The following CIT variants were observed in gnomAD, a reference collection of about 807,000 sequenced individuals.
CIT encodes the protein citron Rho-interacting kinase.
In CIT, 79 loss-of-function variants were observed where a neutral mutation model predicts 272.7. The ratio of observed to expected loss-of-function variants is 0.29; its 90% confidence interval spans 0.24 to 0.35. The LOEUF is 0.35. Among genes scored for constraint, CIT ranks in the 10% least tolerant of loss-of-function variants. The pLI, the probability that CIT is intolerant of heterozygous loss-of-function variation, is 1.00. For missense variants in CIT, 1,909 were observed against 2,618.3 expected (o/e 0.73, Z 5.91); for synonymous variants, 948 against 995.6 (o/e 0.95, Z 0.90).
chr12:119,712,855 G>A lies in CIT; in HGVS notation c.4580-160C>T, dbSNP rs1054042915. ...GAAGGGACAGAGGTGTGCAGAGAAG[G>A]CAGAGAGGGAAGATAAAAAAAAATA... On this transcript the variant is annotated intron_variant, in intron 35 of 47. Coordinates refer to ENST00000392521, the MANE Select transcript of CIT (RefSeq NM_001206999.2). The surrounding 1 kb of genome is among the most constrained non-coding windows in gnomAD (Gnocchi z 5.2). Among the ~76,000 whole-genome samples, 1 of 152,134 alleles carries A rather than the reference G, an allele frequency of 6.6e-6. No homozygotes were observed. The highest frequency in any genetic ancestry group is 2.4e-5 in the African/African-American group (1 of 41,422).
At chr12:119,789,050 C>G (rs1965067367) in intron 10 of CIT, among the ~76,000 whole-genome samples, 2 of 152,102 alleles carry the variant, frequency 1.3e-5, no homozygotes, top group South Asian at 4.1e-4. Flanking sequence ...TTCCCTGGTC[C>G]TCAATGCAAG....
intron 10 of CIT, among the ~76,000 whole-genome samples, chr12:119,795,879 A>T (rs1166137543): frequency 6.6e-6 from 1 of 152,276 alleles, no homozygotes; most frequent in African/African-American, 2.4e-5. Flanking sequence ...TTCTGGGAAC[A>T]CAAGAAGTGC....
chr12:119,849,524 T>C (rs1279168434), intron 5 of CIT, among the ~76,000 whole-genome samples: 1 of 152,222 alleles, frequency 6.6e-6, no homozygotes, highest in Admixed American at 6.5e-5. Flanking sequence ...TGCACTATTA[T>C]CATTTTTTTA....
chr12:119,704,611 G>C (rs1593405704), intron 40 of CIT, among the ~76,000 whole-genome samples, 156 bp from the exon 41 acceptor site: 1 of 152,180 alleles, frequency 6.6e-6, no homozygotes, highest in Non-Finnish European at 1.5e-5. Context: ...CGCAGGATAT[G>C]AGCAGTATCC....
Position 119,710,341 on chromosome 12 carries a change from A to G in CIT, c.4981T>C (p.Leu1661=). ...GGGACATGGGTTAGGGAGTTTTTCA[A>G]GACATTCAGGGCGTAGAGCCCTTCC... is the stretch of plus-strand genomic sequence containing the variant. The part of the protein sequence containing the change: ...TEEGLYALNV[L]KNSLTHVPGI... The change falls in exon 39 of 48, where the codon TTG becomes CTG. Residue 1661 remains leucine, a synonymous_variant. Coordinates refer to ENST00000392521, the MANE Select transcript of CIT (RefSeq NM_001206999.2). The surrounding 1 kb of genome is among the most constrained non-coding windows in gnomAD (Gnocchi z 5.6). 6.2e-7 allele frequency: 1 copy of G among 1,614,246 alleles called. No homozygotes were observed.
chr12:119,689,883 A>G (rs1250996198), intron 47 of CIT, among the ~76,000 whole-genome samples: 1 of 151,658 alleles, frequency 6.6e-6, no homozygotes, highest in Non-Finnish European at 1.5e-5. Context: ...GTTTCACCAC[A>G]TTAGCCAGGA....
At chr12:119,781,604 T>G (rs1049620089) in intron 13 of CIT, among the ~76,000 whole-genome samples, 5 of 151,806 alleles carry the variant, frequency 3.3e-5, no homozygotes, top group African/African-American at 1.2e-4. Context: ...CAAAAATCCA[T>G]GCTAAAAAGG....
At chr12:119,844,144 A>C (rs569405444) in intron 5 of CIT, among the ~76,000 whole-genome samples, 240 of 150,916 alleles carry the variant, frequency 1.6e-3, no homozygotes, top group African/African-American at 5.5e-3. Flanking sequence ...GCCTCAGCCT[A>C]AGGAGTAGCT....
intron 13 of CIT, among the ~76,000 whole-genome samples, chr12:119,780,805 T>C (rs1304486716): frequency 6.6e-6 from 1 of 152,208 alleles, no homozygotes; most frequent in Non-Finnish European, 1.5e-5. Context: ...AAATAAATCC[T>C]TGTTCCGATG....
intron 10 of CIT, among the ~76,000 whole-genome samples, chr12:119,800,175 A>C (rs1434848288): frequency 6.6e-6 from 1 of 152,184 alleles, no homozygotes; most frequent in Non-Finnish European, 1.5e-5. Context: ...AGGAACAGCC[A>C]GGCATTCAGA....
chr12:119,773,070 C>G lies in CIT; in HGVS notation c.1942-160G>C, dbSNP rs771626823. On this transcript the variant is annotated intron_variant, in intron 16 of 47. Coordinates refer to ENST00000392521, the MANE Select transcript of CIT (RefSeq NM_001206999.2). ...TCCTAAATTTAAAAAGCAGGTAATA[C>G]TGAATTTACCATTTGTCAAAACAAA... Among the ~76,000 whole-genome samples the G allele has an allele frequency of 1.8e-4, 27 of 149,392 alleles. 1 individual carries two copies. The highest frequency in any genetic ancestry group is 3.5e-3 in the Middle Eastern group (1 of 288).
intron 46 of CIT, among the ~76,000 whole-genome samples, chr12:119,692,487 T>C (rs1317519099): frequency 6.6e-6 from 1 of 152,232 alleles, no homozygotes; most frequent in Non-Finnish European, 1.5e-5. Context: ...CAGTGTTTAT[T>C]GTGGAAGGAG....
At chr12:119,875,644 C>CAAACA (rs1488928046) in intron 2 of CIT, among the ~76,000 whole-genome samples, 13 of 152,030 alleles carry the variant, frequency 8.6e-5, no homozygotes, top group African/African-American at 3.1e-4. Context: ...GACCTTGTTT[C>CAAACA]AAACAAAACA....
intron 9 of CIT, among the ~76,000 whole-genome samples, chr12:119,807,256 A>G (rs1465390272): frequency 6.6e-6 from 1 of 152,218 alleles, no homozygotes; most frequent in Admixed American, 6.5e-5. Context: ...ACAAAGACAG[A>G]ATGAGAAGAT....
At chr12:119,734,477 G>A in intron 25 of CIT, 120 bp from the exon 26 acceptor site, 1 of 1,099,500 alleles carries the variant, frequency 9.1e-7, no homozygotes, top group South Asian at 1.4e-5. Flanking sequence ...AATGCGGTTT[G>A]TCTTTTGCTT....
At chr12:119,700,381 GT>G (rs1223230907) in intron 44 of CIT, among the ~76,000 whole-genome samples, 1 of 151,796 alleles carries the variant, frequency 6.6e-6, no homozygotes, top group Admixed American at 6.6e-5. Flanking sequence ...TGCAATTGCG[GT>G]TTTTTTTGTT....
intron 10 of CIT, among the ~76,000 whole-genome samples, chr12:119,795,003 CG>C (rs1343290358): frequency 5.9e-5 from 9 of 152,230 alleles, no homozygotes; most frequent in Admixed American, 5.9e-4. Flanking sequence ...GTTCAGCCCA[CG>C]TCTGTCTGAT....
At chr12:119,715,377 C>A (rs181418378) in intron 32 of CIT, among the ~76,000 whole-genome samples, 47 of 152,284 alleles carry the variant, frequency 3.1e-4, no homozygotes, top group Non-Finnish European at 6.0e-4. Context: ...CTGATACATG[C>A]TACAACATGG....
rs868472015 is a variant in CIT, at chr12:119,697,527, A to C, written c.5882+132T>G. 2 of 999,886 alleles carry C rather than the reference A, an allele frequency of 2.0e-6. No homozygotes were observed. The highest frequency in any genetic ancestry group is 3.3e-4 in the Middle Eastern group (1 of 3,026). 61.9% of individuals were successfully genotyped at this position (999,886 alleles called of 1,614,324 possible). The stretch of plus-strand genomic sequence containing the variant: ...GTGTTATTTCAGTGCCGCAGATCGC[A>C]AACAAATGAATGGTTTGAGCTTAAG... On this transcript the variant is annotated intron_variant, in intron 46 of 47. Transcript: ENST00000392521. This position sits in a 1 kb window ranked among gnomAD's most constrained non-coding sequence, Gnocchi z 4.9.
Sources: gnomAD v4.1 joint callset for allele counts (sites outside exome capture counted in the v4.1 genomes callset) on GRCh38, gnomAD v4.1.1 for gene constraint, Gnocchi (gnomAD v3.1) non-coding constraint, MANE v1.5 for transcripts, NCBI Gene and HGNC (gene_info 2026-07-23, HGNC 2026-07-21) for gene names.